The following LRP1B variants were observed in gnomAD, a reference collection of about 807,000 sequenced individuals.
LRP1B encodes LDL receptor related protein 1B, also known as low-density lipoprotein receptor-related protein 1B.
A neutral mutation model predicts 556.6 loss-of-function variants in LRP1B; 217 were observed. That is an observed-to-expected ratio of 0.39 (90% CI 0.35 to 0.44). The LOEUF (loss-of-function observed/expected upper bound fraction) is 0.44. LRP1B is among the 20% of genes least tolerant of loss of function. LRP1B has a pLI of 1.00. For synonymous variants in LRP1B, 2,047 were observed against 1,865.8 expected, an observed-to-expected ratio of 1.10 and a Z score of -2.50; for missense variants, 5,053 against 5,620.8, an observed-to-expected ratio of 0.90 and a Z score of 3.23.
At chr2:141,606,843 G>A (rs1349415309) in intron 2 of LRP1B, among the ~76,000 whole-genome samples, 4 of 152,042 alleles carry the variant, frequency 2.6e-5, no homozygotes, top group Admixed American at 2.0e-4. Flanking sequence ...ATTCTATTAC[G>A]GCAGTCCTAG....
At chr2:140,832,080 T>C (rs1691737604) in intron 31 of LRP1B, among the ~76,000 whole-genome samples, 1 of 152,138 alleles carries the variant, frequency 6.6e-6, no homozygotes, top group Admixed American at 6.6e-5. Context: ...GGAAAGTAAT[T>C]TAATACAGTT....
intron 9 of LRP1B, among the ~76,000 whole-genome samples, chr2:141,056,974 C>T (rs182161075): frequency 2.5e-4 from 38 of 152,014 alleles, no homozygotes; most frequent in African/African-American, 7.7e-4. Context: ...TCTAGCTAGA[C>T]CACTGTCTGA....
At chr2:140,417,612 C>T (rs1685255695) in intron 66 of LRP1B, among the ~76,000 whole-genome samples, 1 of 152,102 alleles carries the variant, frequency 6.6e-6, no homozygotes, top group African/African-American at 2.4e-5. Context: ...TGAATAATTA[C>T]ATATCAGGAA....
At chr2:140,678,561 A>C (rs1208237269) in intron 41 of LRP1B, among the ~76,000 whole-genome samples, 2 of 152,194 alleles carry the variant, frequency 1.3e-5, no homozygotes, top group African/African-American at 2.4e-5. Flanking sequence ...CATATAACTT[A>C]ATACCAATTC....
chr2:140,394,875 T>C (rs1486279313), intron 66 of LRP1B, among the ~76,000 whole-genome samples: 1 of 152,184 alleles, frequency 6.6e-6, no homozygotes, highest in African/African-American at 2.4e-5. Context: ...TAACCTCATA[T>C]TTCTAGGGGC....
chr2:141,089,013 T>C (rs1700112549), intron 7 of LRP1B, among the ~76,000 whole-genome samples: 1 of 152,180 alleles, frequency 6.6e-6, no homozygotes, highest in Non-Finnish European at 1.5e-5. Context: ...TTCATGACTT[T>C]TATAGATAGT....
At chr2:140,276,893 G>T (rs1436256620) in intron 84 of LRP1B, among the ~76,000 whole-genome samples, 2 of 151,842 alleles carry the variant, frequency 1.3e-5, no homozygotes, top group African/African-American at 4.8e-5. Flanking sequence ...GGTCTGAAAT[G>T]GGGCCCAGGT....
intron 6 of LRP1B, among the ~76,000 whole-genome samples, chr2:141,216,554 G>A (rs1380326702): frequency 6.6e-6 from 1 of 152,124 alleles, no homozygotes; most frequent in Admixed American, 6.5e-5. Flanking sequence ...GAATGAGAGA[G>A]CCACTGGCAG....
At chr2:141,702,181 C>G (rs990836659) in intron 2 of LRP1B, among the ~76,000 whole-genome samples, 4 of 151,740 alleles carry the variant, frequency 2.6e-5, no homozygotes, top group Admixed American at 2.6e-4. Flanking sequence ...GTAGGAATGA[C>G]CATGGTTAGA....
chr2:141,647,340 G>C (rs796446440), intron 2 of LRP1B, among the ~76,000 whole-genome samples: 3 of 152,294 alleles, frequency 2.0e-5, no homozygotes, highest in African/African-American at 7.2e-5. Flanking sequence ...AAGTGTTCCT[G>C]ATTAAATAAG....
chr2:140,412,480 G>A (rs1254560346), intron 66 of LRP1B, among the ~76,000 whole-genome samples: 2 of 151,998 alleles, frequency 1.3e-5, no homozygotes, highest in African/African-American at 4.8e-5. Flanking sequence ...TATGTCAAAT[G>A]AAAACAGAAT....
chr2:141,585,654 A>G (rs1687112378), intron 2 of LRP1B, among the ~76,000 whole-genome samples: 1 of 152,150 alleles, frequency 6.6e-6, no homozygotes, highest in South Asian at 2.1e-4. Flanking sequence ...CACTGTTAAT[A>G]ATTTGAAGTG....
At chr2:141,877,253 A>C (rs555555919) in intron 1 of LRP1B, among the ~76,000 whole-genome samples, 2 of 152,014 alleles carry the variant, frequency 1.3e-5, no homozygotes, top group South Asian at 4.1e-4. Context: ...ATTTGTTTTC[A>C]TTACCTGGGG....
chr2:142,100,839 C>G (rs1187342247), intron 1 of LRP1B, among the ~76,000 whole-genome samples: 2 of 151,870 alleles, frequency 1.3e-5, no homozygotes, highest in Admixed American at 6.6e-5. Context: ...TCAAATTTAG[C>G]TTTCTTCTTT....
At chr2:140,904,986 A>G (rs1464169678) in intron 22 of LRP1B, among the ~76,000 whole-genome samples, 1 of 152,166 alleles carries the variant, frequency 6.6e-6, no homozygotes, top group Non-Finnish European at 1.5e-5. Flanking sequence ...GAAATCTGAA[A>G]TTGAATATAT....
At chr2:140,703,421 G>C (rs1686717797) in intron 37 of LRP1B, among the ~76,000 whole-genome samples, 1 of 151,972 alleles carries the variant, frequency 6.6e-6, no homozygotes, top group African/African-American at 2.4e-5. Flanking sequence ...GATATTCATA[G>C]GACTATACAG....
In LRP1B at chr2:140,716,098, G is replaced by A. The variant is rs1277540813; in HGVS notation, c.5898C>T (p.Asn1966=). 2 of 1,590,570 alleles carry A rather than the reference G, an allele frequency of 1.3e-6. No homozygotes were observed. The highest frequency in any genetic ancestry group is 1.3e-5 in the African/African-American group (1 of 74,306). The change falls in exon 37 of 91, where the codon AAC becomes AAT. Residue 1966 remains asparagine (N), a synonymous_variant. Coordinates refer to ENST00000389484, the MANE Select transcript of LRP1B (RefSeq NM_018557.3). ...TGAAACCATGATCTGTCCAATATAT[G>A]TTACCTAGGAGAAATAATAGAGGTG... The part of the protein sequence containing the change: ...EGIAVDWIAG[N]IYWTDHGFNL...
At chr2:140,935,333 A>G (rs867064153) in intron 20 of LRP1B, among the ~76,000 whole-genome samples, 4 of 152,148 alleles carry the variant, frequency 2.6e-5, no homozygotes, top group African/African-American at 9.6e-5. Context: ...TGATATCTTT[A>G]AAGAGCTAAG....
intron 3 of LRP1B, among the ~76,000 whole-genome samples, chr2:141,450,551 TA>T (rs998719057): frequency 1.3e-5 from 2 of 151,322 alleles, no homozygotes; most frequent in African/African-American, 4.8e-5. Context: ...ATCCTATTTT[TA>T]AAAAAATAAA....
Sources: gnomAD v4.1 joint callset for allele counts (sites outside exome capture counted in the v4.1 genomes callset) on GRCh38, gnomAD v4.1.1 for gene constraint, MANE v1.5 for transcripts, NCBI Gene and HGNC (gene_info 2026-07-23, HGNC 2026-07-21) for gene names.